The following CFAP299 variants were observed in gnomAD, a reference collection of about 807,000 sequenced individuals.
CFAP299 encodes cilia and flagella associated protein 299.
Under a neutral mutation model 27.0 loss-of-function variants are expected in CFAP299, and 21 were observed. That is an observed-to-expected ratio of 0.78 (90% CI 0.55 to 1.12). The LOEUF (loss-of-function observed/expected upper bound fraction) is 1.12, where lower values mean the gene tolerates loss of function less well. Ranked by LOEUF, CFAP299 falls within the 50% of genes most tolerant of loss-of-function variation. The probability of loss-of-function intolerance (pLI) is 0.00; values close to 1 mark genes in which losing one functional copy is unlikely to be tolerated. For missense variants in CFAP299, 310 were observed against 276.6 expected (o/e 1.12, Z -0.86); for synonymous variants, 104 against 98.1 (o/e 1.06, Z -0.36).
intron 2 of CFAP299, among the ~76,000 whole-genome samples, chr4:80,549,427 A>G (rs4274831): frequency 0.37 from 56,039 of 152,054 alleles, 13,315 homozygotes; most frequent in African/African-American, 0.68. Flanking sequence ...GTTTACCACA[A>G]CTTTTAAAAA....
At chr4:80,606,049 A>G (rs1298124012) in intron 3 of CFAP299, among the ~76,000 whole-genome samples, 1 of 152,196 alleles carries the variant, frequency 6.6e-6, no homozygotes, top group Non-Finnish European at 1.5e-5. Context: ...TGCTGTCTGA[A>G]GAGTCAATGA....
chr4:80,719,877 T>C (rs764935407), intron 3 of CFAP299, among the ~76,000 whole-genome samples: 7 of 152,186 alleles, frequency 4.6e-5, no homozygotes, highest in Admixed American at 6.5e-5. Flanking sequence ...AAGCCCCTAA[T>C]AAAACTCCAT....
At chr4:80,737,114 GA>G (rs1723944828) in intron 3 of CFAP299, among the ~76,000 whole-genome samples, 1 of 146,134 alleles carries the variant, frequency 6.8e-6, no homozygotes, top group Admixed American at 6.9e-5. Flanking sequence ...ACTGAACAAC[GA>G]GAACACATGG....
intron 1 of CFAP299, among the ~76,000 whole-genome samples, chr4:80,362,342 CTT>C (rs75126928): frequency 1.9e-4 from 26 of 136,338 alleles, no homozygotes; most frequent in African/African-American, 4.3e-4. Flanking sequence ...CAGCTTGGTT[CTT>C]TTTTTTTTTT....
intron 3 of CFAP299, among the ~76,000 whole-genome samples, chr4:80,861,746 G>C (rs1281322355): frequency 6.6e-6 from 1 of 152,048 alleles, no homozygotes. Context: ...TTTGCAAAAT[G>C]TTATTATTCT....
At chr4:80,647,129 A>G (rs1740062622) in intron 3 of CFAP299, among the ~76,000 whole-genome samples, 1 of 152,276 alleles carries the variant, frequency 6.6e-6, no homozygotes, top group African/African-American at 2.4e-5. Context: ...TATGTTAACA[A>G]ATAGTTTGGA....
intron 2 of CFAP299, among the ~76,000 whole-genome samples, chr4:80,471,879 G>A (rs1290658948): frequency 6.6e-6 from 1 of 152,158 alleles, no homozygotes; most frequent in African/African-American, 2.4e-5. Flanking sequence ...TTGAGGCCTT[G>A]GCAGCACTGA....
At chr4:80,598,884 G>A (rs1010609260) in intron 3 of CFAP299, among the ~76,000 whole-genome samples, 2 of 152,088 alleles carry the variant, frequency 1.3e-5, no homozygotes, top group African/African-American at 4.8e-5. Flanking sequence ...TTGTTATATC[G>A]AGGTAGGGTC....
chr4:80,593,729 T>C (rs571443882), intron 3 of CFAP299, among the ~76,000 whole-genome samples: 10 of 152,314 alleles, frequency 6.6e-5, no homozygotes, highest in Admixed American at 1.3e-4. Context: ...ATTTCTTTTA[T>C]TCTGCTTACT....
At chr4:80,921,220 A>C (rs796942003) in intron 4 of CFAP299, among the ~76,000 whole-genome samples, 1 of 152,148 alleles carries the variant, frequency 6.6e-6, no homozygotes, top group African/African-American at 2.4e-5. Context: ...GATTTGATAA[A>C]GATAAATAAG....
chr4:80,891,830 G>A (rs1251565014), intron 4 of CFAP299, among the ~76,000 whole-genome samples: 116 of 53,944 alleles, frequency 2.2e-3, no homozygotes, highest in South Asian at 5.2e-3. Flanking sequence ...TAGATTAAAG[G>A]AAAAAAAAAA....
rs188737906 is a variant in CFAP299, at chr4:80,436,341, C to G, written c.242+73457C>G. The stretch of plus-strand genomic sequence containing the variant: ...TGAGACGGAGTCTCACTCTGTTGCC[C>G]AGGCTGGAGTGCAGTGGCGCGATCT... On this transcript the variant is annotated intron_variant, in intron 2 of 5. Transcript: ENST00000358105. 2.3e-3 allele frequency among the ~76,000 whole-genome samples: 340 copies of G among 150,798 alleles called. 2 individuals are homozygous for G. Among genetic ancestry groups the G allele is most frequent in the African/African-American group, 7.5e-3 (308 of 40,922 alleles).
intron 2 of CFAP299, among the ~76,000 whole-genome samples, chr4:80,380,421 C>CT (rs1560538174): frequency 9.2e-6 from 1 of 109,066 alleles, no homozygotes; most frequent in African/African-American, 3.4e-5. Context: ...TTGTGTCTCA[C>CT]ATTTTTTTTT....
chr4:80,441,915 T>C (rs1728379131), intron 2 of CFAP299, among the ~76,000 whole-genome samples: 1 of 152,186 alleles, frequency 6.6e-6, no homozygotes, highest in Non-Finnish European at 1.5e-5. Flanking sequence ...TCCTACTGTC[T>C]GATAAAACAG....
rs773224473 is a variant in CFAP299 at position 80,870,020 on chromosome 4, T to G, written c.361T>G (p.Ser121Ala). Reference sequence around the variant, plus strand: ...CGTGATCTTTATTCGTGACAGAAATTCTCATGGGCAAGAGATATCAGGATA... The same window carrying G: ...CGTGATCTTTATTCGTGACAGAAATGCTCATGGGCAAGAGATATCAGGATA... ...SSVIFIRDRN[S>A]HGQEISGYID... is the part of the protein sequence containing the mutation. The change falls in exon 4 of 6, where the codon TCT becomes GCT. Residue 121 changes from serine to alanine, a missense_variant. Physicochemically the swap from Ser to Ala is moderately conservative, Grantham distance 99 (BLOSUM62 1). Coordinates refer to ENST00000358105, the MANE Select transcript of CFAP299 (RefSeq NM_152770.3). 3.7e-6 allele frequency: 6 copies of G among 1,612,270 alleles called. No individual in the cohort carries two copies. The highest frequency in any genetic ancestry group is 5.1e-6 in the Non-Finnish European group (6 of 1,179,162).
chr4:80,429,775 A>G (rs1727715903), intron 2 of CFAP299, among the ~76,000 whole-genome samples: 1 of 152,148 alleles, frequency 6.6e-6, no homozygotes, highest in Non-Finnish European at 1.5e-5. Context: ...ATGTCTTTTA[A>G]TAGAGTGAAA....
intron 3 of CFAP299, among the ~76,000 whole-genome samples, chr4:80,771,848 T>A (rs1726234654): frequency 6.6e-6 from 1 of 152,180 alleles, no homozygotes. Context: ...TCCTCTTACA[T>A]CCCATTTTGA....
chr4:80,613,953 G>A (rs1738138520), intron 3 of CFAP299, among the ~76,000 whole-genome samples: 1 of 152,124 alleles, frequency 6.6e-6, no homozygotes, highest in African/African-American at 2.4e-5. Context: ...GCTACAGAAA[G>A]GCAGGCAGGC....
chr4:80,396,706 G>C (rs1044727982), intron 2 of CFAP299, among the ~76,000 whole-genome samples: 4 of 152,182 alleles, frequency 2.6e-5, no homozygotes, highest in Non-Finnish European at 5.9e-5. Context: ...TGTTGAACCA[G>C]CCTTGCATCC....
Sources: gnomAD v4.1 joint callset for allele counts (sites outside exome capture counted in the v4.1 genomes callset) on GRCh38, gnomAD v4.1.1 for gene constraint, MANE v1.5 for transcripts, NCBI Gene and HGNC (gene_info 2026-07-23, HGNC 2026-07-21) for gene names.